Variants in LRP1B observed in about 807,000 individuals in gnomAD.
LRP1B encodes low-density lipoprotein receptor-related protein 1B.
In LRP1B, 217 loss-of-function variants were observed where a neutral mutation model predicts 556.6. The ratio of observed to expected loss-of-function variants is 0.39; its 90% CI spans 0.35 to 0.44. The LOEUF (loss-of-function observed/expected upper bound fraction) is 0.44, where lower values mean the gene tolerates loss of function less well. LRP1B is among the 20% of genes least tolerant of loss of function. The pLI, the probability that LRP1B is intolerant of heterozygous loss-of-function variation, is 1.00. For synonymous variants in LRP1B, 2,047 were observed against 1,865.8 expected (o/e 1.10, Z -2.50); for missense variants, 5,053 against 5,620.8 (o/e 0.90, Z 3.23).
intron 1 of LRP1B, among the ~76,000 whole-genome samples, chr2:141,931,313 G>A (rs374972387): frequency 6.6e-6 from 1 of 152,118 alleles, no homozygotes; most frequent in African/African-American, 2.4e-5. Flanking sequence ...TGGTGTGTAT[G>A]TGAGGAGGGG....
intron 3 of LRP1B, among the ~76,000 whole-genome samples, chr2:141,349,106 A>C (rs989368288): frequency 4.6e-5 from 7 of 152,066 alleles, no homozygotes; most frequent in African/African-American, 1.7e-4. Context: ...TAATACATCT[A>C]TTGTAAGTAA....
intron 43 of LRP1B, among the ~76,000 whole-genome samples, chr2:140,583,171 C>CTTTTCTTTT (rs1553491151): frequency 1.5e-4 from 7 of 48,050 alleles, no homozygotes; most frequent in African/African-American, 4.3e-4. Flanking sequence ...CCTTTTTTTT[C>CTTTTCTTTT]TTTTTTTTTT....
intron 41 of LRP1B, among the ~76,000 whole-genome samples, chr2:140,677,398 T>C (rs527971151): frequency 2.9e-4 from 44 of 152,270 alleles, no homozygotes; most frequent in African/African-American, 1.0e-3. Context: ...GTTTTATTTT[T>C]TAGTATAGAG....
At chr2:141,444,837 T>C (rs1257237338) in intron 3 of LRP1B, among the ~76,000 whole-genome samples, 1 of 152,242 alleles carries the variant, frequency 6.6e-6, no homozygotes, top group Admixed American at 6.5e-5. Context: ...GCCAGTATTT[T>C]ATTGAGGATT....
intron 2 of LRP1B, among the ~76,000 whole-genome samples, chr2:141,759,122 C>T (rs1558856159): frequency 6.6e-6 from 1 of 151,982 alleles, no homozygotes. Context: ...TGTTTTCAAT[C>T]CCCAGTAGAA....
intron 1 of LRP1B, among the ~76,000 whole-genome samples, chr2:141,813,996 C>A (rs1696444805): frequency 6.6e-6 from 1 of 152,076 alleles, no homozygotes; most frequent in South Asian, 2.1e-4. Flanking sequence ...CAGGAAGACA[C>A]AGGACAGTGT....
intron 37 of LRP1B, among the ~76,000 whole-genome samples, chr2:140,715,344 G>T (rs1480711489): frequency 1.1e-4 from 17 of 152,052 alleles, no homozygotes; most frequent in South Asian, 6.2e-4. Context: ...TTTAATTAGG[G>T]TAAAGATAAA....
Position 141,525,719 on chromosome 2 carries a change from T to C in LRP1B, c.206-45186A>G, listed in dbSNP as rs562705091. Among the ~76,000 whole-genome samples the C allele has an allele frequency of 1.6e-4, 25 of 152,006 alleles. No homozygotes were observed. The South Asian group carries it at 5.0e-3, about 30-fold the overall frequency. On this transcript the variant is annotated intron_variant, in intron 2 of 90. Coordinates refer to ENST00000389484, the MANE Select transcript of LRP1B (RefSeq NM_018557.3). ...TCATTTCACTGGTCATAGGAGAAAATACATACATAATATTGACAAAGTAAC... is the reference window on the plus strand; with the variant it reads ...TCATTTCACTGGTCATAGGAGAAAACACATACATAATATTGACAAAGTAAC...
intron 2 of LRP1B, among the ~76,000 whole-genome samples, chr2:141,502,617 T>G (rs35187841): frequency 0.31 from 47,772 of 151,926 alleles, 8,420 homozygotes; most frequent in Non-Finnish European, 0.4. Context: ...TCCCAGCACT[T>G]TGGGAGGCTG....
chr2:141,386,778 C>A (rs2104897534), intron 3 of LRP1B, among the ~76,000 whole-genome samples: 1 of 152,102 alleles, frequency 6.6e-6, no homozygotes. Flanking sequence ...TAGTTGGAGA[C>A]TTCAATATAC....
chr2:141,345,220 G>A (rs1688201868), intron 3 of LRP1B, among the ~76,000 whole-genome samples: 1 of 150,020 alleles, frequency 6.7e-6, no homozygotes, highest in African/African-American at 2.4e-5. Context: ...TTTCCACAAA[G>A]CAACACACCA....
At chr2:140,518,133 A>G (rs1254147546) in intron 49 of LRP1B, among the ~76,000 whole-genome samples, 2 of 152,258 alleles carry the variant, frequency 1.3e-5, no homozygotes, top group South Asian at 2.1e-4. Flanking sequence ...TCACACTATA[A>G]TGGTCTATTA....
intron 15 of LRP1B, among the ~76,000 whole-genome samples, chr2:140,998,271 A>T (rs1697312819): frequency 6.6e-6 from 1 of 152,030 alleles, no homozygotes; most frequent in Admixed American, 6.6e-5. Context: ...ATTCTGTCTT[A>T]TTTTTAGGCC....
chr2:140,741,216 G>C (rs907886574), intron 35 of LRP1B, among the ~76,000 whole-genome samples: 8 of 152,090 alleles, frequency 5.3e-5, no homozygotes, highest in African/African-American at 1.9e-4. Context: ...CATTTCCAGG[G>C]CAAGCAGACA....
intron 3 of LRP1B, among the ~76,000 whole-genome samples, chr2:141,360,138 T>C (rs1437377323): frequency 2.0e-5 from 3 of 152,322 alleles, no homozygotes; most frequent in African/African-American, 7.2e-5. Flanking sequence ...AAGACCTGTA[T>C]GGACTAAATT....
chr2:141,312,777 C>G (rs1242037697), intron 3 of LRP1B, among the ~76,000 whole-genome samples: 2 of 152,050 alleles, frequency 1.3e-5, no homozygotes, highest in Non-Finnish European at 2.9e-5. Context: ...CAGCCTCTGC[C>G]TCCCAGGTTC....
At chr2:141,727,146 A>AG (rs1157475391) in intron 2 of LRP1B, among the ~76,000 whole-genome samples, 1 of 152,108 alleles carries the variant, frequency 6.6e-6, no homozygotes, top group Non-Finnish European at 1.5e-5. Context: ...AGAGATCTTG[A>AG]GGGGAAAAAA....
At chr2:141,760,337 C>T (rs913890741) in intron 2 of LRP1B, among the ~76,000 whole-genome samples, 12 of 151,966 alleles carry the variant, frequency 7.9e-5, no homozygotes, top group East Asian at 1.9e-4. Flanking sequence ...AAAAACACAT[C>T]TTCATTAGGA....
At chr2:141,253,213 C>T (rs1488738592) in intron 4 of LRP1B, among the ~76,000 whole-genome samples, 1 of 152,106 alleles carries the variant, frequency 6.6e-6, no homozygotes, top group African/African-American at 2.4e-5. Context: ...CCATTTTTAT[C>T]TGGCTGATTT....
Sources: gnomAD v4.1 joint callset for allele counts (sites outside exome capture counted in the v4.1 genomes callset) on GRCh38, gnomAD v4.1.1 for gene constraint, MANE v1.5 for transcripts, NCBI Gene and HGNC (gene_info 2026-07-23, HGNC 2026-07-21) for gene names.